CPQ: variants seen among roughly 807,000 people sequenced by gnomAD.
CPQ encodes carboxypeptidase Q.
Under a neutral mutation model 45.7 loss-of-function variants are expected in CPQ, and 37 were observed. The observed-to-expected ratio is 0.81, with a 90% CI of 0.62 to 1.07. The LOEUF (loss-of-function observed/expected upper bound fraction) is 1.07. CPQ is among the 50% of genes least tolerant of loss of function. The pLI, the probability that CPQ is intolerant of heterozygous loss-of-function variation, is 0.00. For synonymous variants in CPQ, 186 were observed against 205.8 expected, an observed-to-expected ratio of 0.90 and a Z score of 0.82; for missense variants, 537 against 572.9, an observed-to-expected ratio of 0.94 and a Z score of 0.64.
intron 5 of CPQ, among the ~76,000 whole-genome samples, chr8:97,014,954 AT>A (rs571954379): frequency 2.2e-4 from 34 of 152,286 alleles, no homozygotes; most frequent in African/African-American, 7.9e-4. Context: ...TTGAAAAGGG[AT>A]CCCAGAAATT....
chr8:97,126,060 T>G (rs2130615820), intron 7 of CPQ, among the ~76,000 whole-genome samples: 1 of 152,264 alleles, frequency 6.6e-6, no homozygotes, highest in African/African-American at 2.4e-5. Flanking sequence ...TAACTATGTG[T>G]GTATTCAGGG....
At chr8:96,907,838 A>G (rs1812598450) in intron 4 of CPQ, among the ~76,000 whole-genome samples, 5 of 152,122 alleles carry the variant, frequency 3.3e-5, no homozygotes, top group Non-Finnish European at 7.4e-5. Flanking sequence ...CTGTTAATAA[A>G]TGTGCTGTTG....
chr8:96,710,578 T>C (rs1430483435), intron 1 of CPQ, among the ~76,000 whole-genome samples: 1 of 152,200 alleles, frequency 6.6e-6, no homozygotes, highest in Non-Finnish European at 1.5e-5. Context: ...CATTTTTATA[T>C]TTCCATTTTG....
At chr8:97,096,505 C>T (rs1285710126) in intron 7 of CPQ, among the ~76,000 whole-genome samples, 5 of 152,128 alleles carry the variant, frequency 3.3e-5, no homozygotes, top group African/African-American at 4.8e-5. Flanking sequence ...AATGCTAAAA[C>T]GTACAACTAC....
intron 2 of CPQ, among the ~76,000 whole-genome samples, chr8:96,819,461 C>T (rs548128975): frequency 6.6e-6 from 1 of 151,926 alleles, no homozygotes; most frequent in Admixed American, 6.6e-5. Flanking sequence ...AAAAAAAAAT[C>T]AAAAGGAGTT....
intron 4 of CPQ, among the ~76,000 whole-genome samples, chr8:96,912,259 G>A (rs1230227069): frequency 1.3e-5 from 2 of 152,194 alleles, no homozygotes; most frequent in Non-Finnish European, 2.9e-5. Context: ...TACTTTAGAA[G>A]TCAAGTCTTA....
At chr8:96,953,372 T>C (rs546611020) in intron 4 of CPQ, among the ~76,000 whole-genome samples, 1 of 152,230 alleles carries the variant, frequency 6.6e-6, no homozygotes, top group East Asian at 1.9e-4. Flanking sequence ...GTGGGACTGC[T>C]CAGGTTTATT....
chr8:96,662,549 G>C (rs376172226), intron 1 of CPQ, among the ~76,000 whole-genome samples: 2 of 152,150 alleles, frequency 1.3e-5, no homozygotes, highest in South Asian at 2.1e-4. Context: ...AGGTAGACTT[G>C]TCTATTAGCT....
intron 1 of CPQ, among the ~76,000 whole-genome samples, chr8:96,663,758 GTGTT>G (rs1370408814): frequency 1.3e-5 from 2 of 152,100 alleles, no homozygotes; most frequent in Admixed American, 6.5e-5. Flanking sequence ...GTGTAGGTGT[GTGTT>G]TGTGTGTGTG....
chr8:96,651,822 T>C (rs1216145345), intron 1 of CPQ, among the ~76,000 whole-genome samples: 1 of 152,130 alleles, frequency 6.6e-6, no homozygotes. Context: ...ATAAGTTCTT[T>C]TTTATTTTAC....
chr8:96,800,706 A>C (rs1224828487), intron 2 of CPQ, among the ~76,000 whole-genome samples: 1 of 152,184 alleles, frequency 6.6e-6, no homozygotes, highest in Non-Finnish European at 1.5e-5. Context: ...AAAGTAAAAA[A>C]TAGAATGATA....
chr8:97,000,050 G>C (rs1809248111), intron 5 of CPQ, among the ~76,000 whole-genome samples: 1 of 151,462 alleles, frequency 6.6e-6, no homozygotes, highest in South Asian at 2.1e-4. Flanking sequence ...CTTTTGAGAA[G>C]TGTCTGTTCA....
intron 7 of CPQ, among the ~76,000 whole-genome samples, chr8:97,094,023 C>A (rs1490142515): frequency 6.6e-6 from 1 of 151,942 alleles, no homozygotes; most frequent in Non-Finnish European, 1.5e-5. Context: ...CAAATAAGTT[C>A]CTCCTTCTCT....
At chr8:96,838,626 T>G (rs1034777487) in intron 3 of CPQ, among the ~76,000 whole-genome samples, 1 of 152,052 alleles carries the variant, frequency 6.6e-6, no homozygotes, top group Non-Finnish European at 1.5e-5. Context: ...GTCTCCACAC[T>G]AGACTCTAAG....
At chr8:97,098,119 G>A (rs967737245) in intron 7 of CPQ, among the ~76,000 whole-genome samples, 2 of 152,172 alleles carry the variant, frequency 1.3e-5, no homozygotes, top group Non-Finnish European at 2.9e-5. Context: ...CTAGTAGATT[G>A]ATGGAGAGAG....
intron 1 of CPQ, among the ~76,000 whole-genome samples, chr8:96,744,467 G>A (rs1330193375): frequency 1.3e-5 from 2 of 152,196 alleles, no homozygotes; most frequent in Admixed American, 1.3e-4. Flanking sequence ...GCTGTAGACC[G>A]GAGGTGTTCC....
intron 4 of CPQ, among the ~76,000 whole-genome samples, chr8:96,903,196 T>G (rs1812534926): frequency 6.6e-6 from 1 of 152,230 alleles, no homozygotes; most frequent in Non-Finnish European, 1.5e-5. Flanking sequence ...TTGCCTCACT[T>G]TCCTTCTTTC....
chr8:96,939,133 G>C (rs900725725), intron 4 of CPQ, among the ~76,000 whole-genome samples: 1 of 152,174 alleles, frequency 6.6e-6, no homozygotes, highest in Non-Finnish European at 1.5e-5. Flanking sequence ...ACAGTCATCT[G>C]TAAATTTATC....
chr8:96,891,080 G>A (rs1812367169), intron 4 of CPQ, among the ~76,000 whole-genome samples: 1 of 152,194 alleles, frequency 6.6e-6, no homozygotes, highest in African/African-American at 2.4e-5. Flanking sequence ...TCAGGATGAT[G>A]GGTAACATAG....
Sources: gnomAD v4.1 joint callset for allele counts (sites outside exome capture counted in the v4.1 genomes callset) on GRCh38, gnomAD v4.1.1 for gene constraint, MANE v1.5 for transcripts, NCBI Gene and HGNC (gene_info 2026-07-23, HGNC 2026-07-21) for gene names.